The following IGFL2 variants were observed in gnomAD, a reference collection of about 807,000 sequenced individuals.
The protein encoded by IGFL2 is insulin growth factor-like family member 2.
In IGFL2, 7 loss-of-function variants were observed where a neutral mutation model predicts 13.9. The ratio of observed to expected loss-of-function variants is 0.51; its 90% CI spans 0.29 to 0.95. IGFL2 has a LOEUF of 0.95. Among genes scored for constraint, IGFL2 ranks in the 40% least tolerant of loss-of-function variants. The pLI is 0.08. For synonymous variants in IGFL2, 55 were observed against 55.8 expected, an observed-to-expected ratio of 0.99 and a Z score of 0.07; for missense variants, 138 against 147.8, an observed-to-expected ratio of 0.93 and a Z score of 0.34.
the IGFL2 span, among the ~76,000 whole-genome samples, chr19:46,201,587 G>A: frequency 1.6e-4 from 25 of 152,326 alleles, no homozygotes; most frequent in African/African-American, 5.3e-4. Context: ...TGTGTTCCCA[G>A]TGATGGCACA....
chr19:46,124,014 G>A, the IGFL2 span: 47 of 1,611,450 alleles, frequency 2.9e-5, 4 homozygotes, highest in Middle Eastern at 4.9e-4. Flanking sequence ...AGGGCCAGAA[G>A]GTGCAGGTGG....
the IGFL2 span, among the ~76,000 whole-genome samples, chr19:46,091,607 A>G: frequency 6.6e-6 from 1 of 152,214 alleles, no homozygotes; most frequent in Non-Finnish European, 1.5e-5. Context: ...GACTGATGTC[A>G]TTCATTGTAG....
chr19:46,195,394 A>G, the IGFL2 span, among the ~76,000 whole-genome samples: 1 of 152,130 alleles, frequency 6.6e-6, no homozygotes, highest in African/African-American at 2.4e-5. Flanking sequence ...CAGATAACAG[A>G]AAAACCATGA....
intron 1 of IGFL2, among the ~76,000 whole-genome samples, chr19:46,152,386 C>G (rs1391513248): frequency 6.6e-6 from 1 of 151,922 alleles, no homozygotes; most frequent in East Asian, 1.9e-4. Context: ...AAGTAATCCT[C>G]CTGCCTCAGC....
At position 46,160,637 on chromosome 19, in the gene IGFL2, C is replaced by A; in HGVS notation, c.97C>A (p.Leu33Met). 1 of 1,614,188 alleles carries A rather than the reference C, an allele frequency of 6.2e-7. No homozygotes were observed. The highest frequency in any genetic ancestry group is 1.3e-5 in the African/African-American group (1 of 75,060). Reference sequence around the variant, plus strand: ...AGCTCCCGCTGGCTCAGAACCATGGCTGTGCCAGCCGGCACCCAGGTGTGG... The same window carrying A: ...AGCTCCCGCTGGCTCAGAACCATGGATGTGCCAGCCGGCACCCAGGTGTGG... Reference protein sequence around the residue: ...VIAPAGSEPWLCQPAPRCGDK... With the variant: ...VIAPAGSEPWMCQPAPRCGDK... Residue 33 changes from leucine to methionine, a missense_variant, in exon 3 of 4, where the codon CTG (leucine) becomes ATG (methionine). Transcript: ENST00000377693.
the IGFL2 span, among the ~76,000 whole-genome samples, chr19:46,179,992 C>G: frequency 4.6e-5 from 7 of 152,046 alleles, no homozygotes; most frequent in Non-Finnish European, 1.0e-4. Flanking sequence ...AGGGTTTTCC[C>G]TCTTGTTGGT....
the IGFL2 span, among the ~76,000 whole-genome samples, chr19:46,078,718 G>C: frequency 6.6e-6 from 1 of 152,172 alleles, no homozygotes; most frequent in African/African-American, 2.4e-5. Context: ...ACTCTCTCTG[G>C]GGGTATTTGA....
At chr19:46,129,285 A>C in the IGFL2 span, among the ~76,000 whole-genome samples, 1 of 148,078 alleles carries the variant, frequency 6.8e-6, no homozygotes, top group African/African-American at 2.5e-5. Context: ...TCAAAAAACC[A>C]ACTCTTGGAT....
chr19:46,167,426 C>T, the IGFL2 span, among the ~76,000 whole-genome samples: 3 of 152,144 alleles, frequency 2.0e-5, no homozygotes, highest in Non-Finnish European at 4.4e-5. Flanking sequence ...GACCTTTGCC[C>T]GTATCTGATG....
intron 1 of IGFL2, among the ~76,000 whole-genome samples, chr19:46,153,038 C>T (rs564192061): frequency 2.5e-4 from 38 of 152,210 alleles, no homozygotes; most frequent in Non-Finnish European, 3.8e-4. Flanking sequence ...CATGGCGTAT[C>T]GTTCTTTATA....
upstream of IGFL2, among the ~76,000 whole-genome samples, chr19:46,144,371 C>T (rs551968426): frequency 9.2e-5 from 14 of 152,176 alleles, no homozygotes; most frequent in South Asian, 2.1e-4. Flanking sequence ...TCATGACTTG[C>T]TGATACCTGT....
chr19:46,081,077 C>A, the IGFL2 span, among the ~76,000 whole-genome samples: 1 of 152,172 alleles, frequency 6.6e-6, no homozygotes, highest in Non-Finnish European at 1.5e-5. Context: ...CTGTCTGTGT[C>A]GCCAGGCTTC....
chr19:46,099,020 G>A, the IGFL2 span, among the ~76,000 whole-genome samples: 12 of 152,164 alleles, frequency 7.9e-5, no homozygotes, highest in African/African-American at 2.9e-4. Context: ...AGGCCTGGTG[G>A]TGATGAATTC....
At chr19:46,185,406 G>T in the IGFL2 span, among the ~76,000 whole-genome samples, 140 of 152,316 alleles carry the variant, frequency 9.2e-4, 1 homozygote, top group East Asian at 0.022. Context: ...TGGGGAGGAG[G>T]CAATGATGGG....
At chr19:46,109,022 G>A in the IGFL2 span, among the ~76,000 whole-genome samples, 1 of 152,210 alleles carries the variant, frequency 6.6e-6, no homozygotes, top group Admixed American at 6.5e-5. Context: ...CATGGAGTGA[G>A]GGTGAGGACA....
the IGFL2 span, among the ~76,000 whole-genome samples, chr19:46,115,243 A>G: frequency 9.7e-3 from 1,477 of 152,226 alleles, 23 homozygotes; most frequent in African/African-American, 0.034. Flanking sequence ...CCCACACTCA[A>G]TCCTCACCCA....
chr19:46,160,790 T>C lies in IGFL2; in HGVS notation c.250T>C (p.Phe84Leu). 1 of 1,614,134 alleles carries C rather than the reference T, an allele frequency of 6.2e-7. No homozygotes were observed. ...PCFELCCLDS[F>L]GLTNDFVVKL... ...CTTTGAGCTCTGCTGTCTTGATTCC[T>C]TTGGCCTCACAAACGATTTTGTTGT... is the stretch of plus-strand genomic sequence containing the variant. The change falls in exon 3 of 4, where the codon TTT (phenylalanine) becomes CTT (leucine). Residue 84 changes from phenylalanine (F) to leucine (L), a missense_variant. By Grantham distance (22) the Phe-to-Leu change is conservative (BLOSUM62 0). Coordinates refer to ENST00000377693, the MANE Select transcript of IGFL2 (RefSeq NM_001135113.2).
upstream of IGFL2, among the ~76,000 whole-genome samples, chr19:46,145,659 A>G (rs570477439): frequency 8.5e-4 from 127 of 148,884 alleles, 2 homozygotes; most frequent in Middle Eastern, 0.017. Flanking sequence ...TTTATTTAAT[A>G]TATATATTTA....
chr19:46,193,890 C>T, the IGFL2 span, among the ~76,000 whole-genome samples: 2 of 152,294 alleles, frequency 1.3e-5, no homozygotes, highest in African/African-American at 2.4e-5. Flanking sequence ...TGTGTTGGCT[C>T]AGCCTCTCTG....
Sources: allele counts gnomAD v4.1 joint callset (sites outside exome capture counted in the v4.1 genomes callset), GRCh38; gene constraint gnomAD v4.1.1; transcripts MANE v1.5; gene names NCBI Gene and HGNC (gene_info 2026-07-23, HGNC 2026-07-21).